ADGRB1: variants seen among roughly 807,000 people sequenced by gnomAD.
ADGRB1 encodes brain-specific angiogenesis inhibitor 1.
A neutral mutation model predicts 175.7 loss-of-function variants in ADGRB1; 36 were observed. The observed-to-expected ratio is 0.20, with a 90% CI of 0.16 to 0.27. ADGRB1 has a LOEUF of 0.27. ADGRB1 is among the 10% of genes least tolerant of loss of function. The pLI is 1.00. For missense variants in ADGRB1, 1,731 were observed against 2,255.3 expected, an observed-to-expected ratio of 0.77 and a Z score of 4.71; for synonymous variants, 1,054 against 979.4, an observed-to-expected ratio of 1.08 and a Z score of -1.42.
At chr8:142,450,262 C>T (rs1414622064) in intron 1 of ADGRB1, among the ~76,000 whole-genome samples, 158 bp downstream of exon 1, 1 of 151,144 alleles carries the variant, frequency 6.6e-6, no homozygotes, top group East Asian at 2.0e-4. Context: ...GGAGTTTGGA[C>T]CCCCACCCCC....
At chr8:142,521,659 C>T (rs547262216) in intron 20 of ADGRB1, among the ~76,000 whole-genome samples, 1 of 152,390 alleles carries the variant, frequency 6.6e-6, no homozygotes, top group Non-Finnish European at 1.5e-5. Flanking sequence ...TTACTACCTC[C>T]TGAACGCATG....
chr8:142,527,509 AGCCGAGCT>A (rs1173611726), intron 24 of ADGRB1, among the ~76,000 whole-genome samples: 1 of 151,820 alleles, frequency 6.6e-6, no homozygotes, highest in African/African-American at 2.4e-5. Context: ...GTTAGGAACC[AGCCGAGCT>A]GGTGTCTGAT....
At chr8:142,470,042 C>T (rs1242427070) in intron 2 of ADGRB1, among the ~76,000 whole-genome samples, 3 of 152,210 alleles carry the variant, frequency 2.0e-5, no homozygotes, top group Non-Finnish European at 4.4e-5. Flanking sequence ...GCCCGTGGCC[C>T]ATTTTCAGCC....
At chr8:142,535,772 C>G (rs1037008083) in intron 25 of ADGRB1, among the ~76,000 whole-genome samples, 22 of 151,968 alleles carry the variant, frequency 1.4e-4, no homozygotes, top group African/African-American at 5.3e-4. Flanking sequence ...ACTTCCCTAC[C>G]TGCCTGTGGG....
chr8:142,519,179 A>G (rs1843622285), intron 19 of ADGRB1, among the ~76,000 whole-genome samples: 1 of 152,040 alleles, frequency 6.6e-6, no homozygotes, highest in Non-Finnish European at 1.5e-5. Context: ...CATCTGGGGA[A>G]TGGGGTTCAG....
chr8:142,506,689 TA>T (rs1289678267), intron 17 of ADGRB1, among the ~76,000 whole-genome samples: 8 of 152,204 alleles, frequency 5.3e-5, no homozygotes, highest in African/African-American at 1.9e-4. Context: ...CCAGATGTTG[TA>T]AGTCAGGATC....
chr8:142,468,186 G>C (rs373852872), intron 2 of ADGRB1, among the ~76,000 whole-genome samples: 23 of 152,090 alleles, frequency 1.5e-4, no homozygotes, highest in African/African-American at 5.1e-4. Context: ...TGTGGTGTGG[G>C]TGCCCCCATG....
rs964701932 is a variant in ADGRB1 at position 142,474,774 on chromosome 8, G to C, written c.785-700G>C. Among the ~76,000 whole-genome samples the C allele has an allele frequency of 3.9e-5, 6 of 152,170 alleles. No individual in the cohort carries two copies. The highest frequency in any genetic ancestry group is 3.9e-4 in the Admixed American group (6 of 15,284). On this transcript the variant is annotated intron_variant, in intron 2 of 30. Coordinates refer to ENST00000517894, the MANE Select transcript of ADGRB1 (RefSeq NM_001702.3). The surrounding 1 kb of genome is among the most constrained non-coding windows in gnomAD (Gnocchi z 5.8). ...ACTCACTAGAGAAGCTGAACAGAGC[G>C]GCCGGGGTCAGGGCAGGGGCGTGGC...
In ADGRB1 at chr8:142,503,257, G is replaced by A. The variant is rs375216877; in HGVS notation, c.2676-7675G>A. 2.2e-4 allele frequency among the ~76,000 whole-genome samples: 33 copies of A among 152,158 alleles called. No individual in the cohort carries two copies. In the East Asian group the frequency reaches 5.0e-3, roughly 23 times the overall value. On this transcript the variant is annotated intron_variant, in intron 17 of 30. Transcript: ENST00000517894. ...GAAATGGCGGGAGAGCCAAGGGAGC[G>A]CTTCCGAGGTCATGGCGGTCTGGGA...
At chr8:142,526,417 C>T (rs749391432) in intron 23 of ADGRB1, 125 bp from the exon 24 acceptor site, 19 of 833,764 alleles carry the variant, frequency 2.3e-5, no homozygotes, top group East Asian at 1.3e-4. Flanking sequence ...GATGGAGGCA[C>T]GGGAGGTGAC....
At position 142,510,040 on chromosome 8, in the gene ADGRB1, G is replaced by A. The variant is rs968306919; in HGVS notation, c.2676-892G>A. 3.9e-5 allele frequency among the ~76,000 whole-genome samples: 6 copies of A among 152,120 alleles called. No homozygotes were observed. Among genetic ancestry groups the A allele is most frequent in the Non-Finnish European group, 7.4e-5 (5 of 68,008 alleles). ...AGGAGGGCTGCCTTGAAGGGTGGGG[G>A]AATTCGGCTCCAAAGCAGGAGGAGG... On this transcript the variant is annotated intron_variant, in intron 17 of 30. Coordinates refer to ENST00000517894, the MANE Select transcript of ADGRB1 (RefSeq NM_001702.3). This position sits in a 1 kb window ranked among gnomAD's most constrained non-coding sequence, Gnocchi z 6.3.
intron 17 of ADGRB1, among the ~76,000 whole-genome samples, chr8:142,500,451 G>T (rs1010453007): frequency 1.4e-4 from 20 of 146,702 alleles, no homozygotes; most frequent in Non-Finnish European, 2.5e-4. Context: ...CACCTTGGGA[G>T]CTCCTCTCAG....
chr8:142,522,738 G>C, intron 22 of ADGRB1, 28 bp downstream of exon 22: 2 of 1,473,596 alleles, frequency 1.4e-6, no homozygotes, highest in Non-Finnish European at 1.8e-6. Flanking sequence ...GGGTGTGGTG[G>C]ATGGCCACAT....
chr8:142,516,664 G>GT (rs1843464825), intron 18 of ADGRB1, among the ~76,000 whole-genome samples: 4 of 108,898 alleles, frequency 3.7e-5, no homozygotes, highest in African/African-American at 1.6e-4. Flanking sequence ...TGTGTGTGTG[G>GT]GTCCCAGGTG....
chr8:142,514,840 TC>T (rs1843326692), intron 18 of ADGRB1, among the ~76,000 whole-genome samples: 1 of 152,044 alleles, frequency 6.6e-6, no homozygotes, highest in Admixed American at 6.6e-5. Context: ...CGGGGTATAA[TC>T]TGGGTCAGGG....
chr8:142,461,349 T>C (rs1839958106), intron 1 of ADGRB1, among the ~76,000 whole-genome samples: 1 of 152,198 alleles, frequency 6.6e-6, no homozygotes, highest in African/African-American at 2.4e-5. Context: ...CCTGTGAACC[T>C]GGGATGGACT....
At chr8:142,454,370 G>A (rs780940386) in intron 1 of ADGRB1, among the ~76,000 whole-genome samples, 48 of 152,178 alleles carry the variant, frequency 3.2e-4, no homozygotes, top group Non-Finnish European at 3.4e-4. Context: ...AGGGTGCCAC[G>A]GCCCGAAAAC....
At chr8:142,506,024 G>A (rs545233768) in intron 17 of ADGRB1, among the ~76,000 whole-genome samples, 15 of 152,286 alleles carry the variant, frequency 9.8e-5, no homozygotes, top group Admixed American at 5.2e-4. Context: ...CCTTAGTGGC[G>A]CCTGTGGGCG....
chr8:142,480,512 C>T (rs563552251), intron 9 of ADGRB1, among the ~76,000 whole-genome samples: 1 of 152,186 alleles, frequency 6.6e-6, no homozygotes, highest in African/African-American at 2.4e-5. Flanking sequence ...AGGGCATGTT[C>T]TCGGTAGCAG....
Sources: allele counts gnomAD v4.1 joint callset (sites outside exome capture counted in the v4.1 genomes callset), GRCh38; gene constraint gnomAD v4.1.1; non-coding constraint Gnocchi (gnomAD v3.1); transcripts MANE v1.5; gene names NCBI Gene and HGNC (gene_info 2026-07-23, HGNC 2026-07-21).